Variants in XRCC4 observed in about 807,000 individuals in gnomAD.
XRCC4 encodes the protein DNA repair protein XRCC4.
A neutral mutation model predicts 39.1 loss-of-function variants in XRCC4; 28 were observed. That is an observed-to-expected ratio of 0.72 (90% CI 0.53 to 0.98). The LOEUF is 0.98. Among genes scored for constraint, XRCC4 ranks in the 50% least tolerant of loss-of-function variants. The probability of loss-of-function intolerance (pLI) is 0.00; values close to 1 mark genes in which losing one functional copy is unlikely to be tolerated. For synonymous variants in XRCC4, 123 were observed against 126.4 expected (o/e 0.97, Z 0.18); for missense variants, 350 against 376.4 (o/e 0.93, Z 0.58).
intron 7 of XRCC4, among the ~76,000 whole-genome samples, chr5:83,347,294 G>A (rs57430932): frequency 0.05 from 7,648 of 152,142 alleles, 261 homozygotes; most frequent in African/African-American, 0.099. Context: ...ATTTGTATTC[G>A]TCTTTTTTCA....
At chr5:83,186,798 A>C (rs778115324) in intron 3 of XRCC4, among the ~76,000 whole-genome samples, 11 of 152,200 alleles carry the variant, frequency 7.2e-5, no homozygotes, top group Non-Finnish European at 1.5e-4. Flanking sequence ...TCTGTGGCAT[A>C]AAAGTTCAAT....
chr5:83,288,157 A>G (rs1258423459), intron 7 of XRCC4, among the ~76,000 whole-genome samples: 1 of 151,748 alleles, frequency 6.6e-6, no homozygotes, highest in Non-Finnish European at 1.5e-5. Flanking sequence ...TCTATTCTTA[A>G]TTTGCTAAGG....
intron 4 of XRCC4, among the ~76,000 whole-genome samples, chr5:83,196,609 A>C (rs1339874155): frequency 6.6e-6 from 1 of 151,936 alleles, no homozygotes; most frequent in African/African-American, 2.4e-5. Flanking sequence ...TGAAGGAAAT[A>C]AAATGCATGT....
At chr5:83,184,001 G>A (rs1750322467) in intron 3 of XRCC4, among the ~76,000 whole-genome samples, 1 of 152,044 alleles carries the variant, frequency 6.6e-6, no homozygotes, top group South Asian at 2.1e-4. Flanking sequence ...TTTTTCAGGG[G>A]AATATTTTGA....
chr5:83,302,057 C>G (rs1272881511), intron 7 of XRCC4, among the ~76,000 whole-genome samples: 1 of 152,112 alleles, frequency 6.6e-6, no homozygotes, highest in Admixed American at 6.5e-5. Flanking sequence ...ATGCCCCTCC[C>G]CCTACTAAGC....
intron 7 of XRCC4, among the ~76,000 whole-genome samples, chr5:83,341,754 C>G (rs944182079): frequency 1.3e-5 from 2 of 152,170 alleles, no homozygotes; most frequent in Admixed American, 1.3e-4. Flanking sequence ...ACTGCCTGCT[C>G]ACCTATGCTT....
intron 7 of XRCC4, 43 bp downstream of exon 7, chr5:83,258,720 T>C (rs932002312): frequency 6.3e-7 from 1 of 1,588,510 alleles, no homozygotes; most frequent in Non-Finnish European, 8.5e-7. Context: ...ATGACATTTT[T>C]GAAAATCTAG....
chr5:83,364,739 T>A, the XRCC4 span, among the ~76,000 whole-genome samples: 1 of 152,214 alleles, frequency 6.6e-6, no homozygotes, highest in African/African-American at 2.4e-5. Context: ...TTACACTTAA[T>A]TAAAGAACAG....
rs17284358 is a variant in XRCC4 at position 83,203,894 on chromosome 5, G to T, written c.638+187G>T. Among the ~76,000 whole-genome samples, 5,183 of 152,138 alleles carry T rather than the reference G, an allele frequency of 0.034. 98 individuals are homozygous for T. Among genetic ancestry groups the T allele is most frequent in the Middle Eastern group, 0.061 (18 of 294 alleles). On this transcript the variant is annotated intron_variant, in intron 5 of 7. Transcript: ENST00000396027. ...AGAGTTCTCAGCATGGTCTCTCTAT[G>T]TCTGCTCAACTGTGTCACCTACACT...
intron 1 of XRCC4, among the ~76,000 whole-genome samples, chr5:83,089,142 A>G (rs1745308942): frequency 6.6e-6 from 1 of 152,238 alleles, no homozygotes; most frequent in South Asian, 2.1e-4. Flanking sequence ...AAATTGTGAT[A>G]CCTTGATAAC....
intron 7 of XRCC4, among the ~76,000 whole-genome samples, chr5:83,285,110 A>G (rs1241419698): frequency 6.6e-6 from 1 of 152,138 alleles, no homozygotes; most frequent in East Asian, 1.9e-4. Context: ...AACCTCTATA[A>G]ATGAAGACAT....
chr5:83,104,160 G>A (rs557617393), intron 1 of XRCC4, among the ~76,000 whole-genome samples: 12 of 152,268 alleles, frequency 7.9e-5, no homozygotes, highest in African/African-American at 2.9e-4. Flanking sequence ...AGTGGATAGG[G>A]TGTTTCAGTC....
chr5:83,312,588 T>G lies in XRCC4; in HGVS notation c.894-40543T>G, dbSNP rs539028517. 5.9e-5 allele frequency among the ~76,000 whole-genome samples: 9 copies of G among 152,244 alleles called. No individual in the cohort carries two copies. In the South Asian group the frequency reaches 1.7e-3, roughly 28 times the overall value. On this transcript the variant is annotated intron_variant, in intron 7 of 7. Transcript: ENST00000396027. ...TGCATAGGGTTAATACAAATTAAAT[T>G]ATGTTTAGGAATGCTCCGTGATAAA...
At chr5:83,225,248 GAGCCAGACTCTTAAGTTGT>G (rs1752243060) in intron 6 of XRCC4, among the ~76,000 whole-genome samples, 1 of 152,044 alleles carries the variant, frequency 6.6e-6, no homozygotes. Context: ...AATGTAATAG[GAGCCAGACTCTTAAGTTGT>G]AGCTGTTATG....
the XRCC4 span, among the ~76,000 whole-genome samples, chr5:83,364,522 G>A: frequency 6.6e-6 from 1 of 152,042 alleles, no homozygotes; most frequent in Non-Finnish European, 1.5e-5. Flanking sequence ...TCCTTATCAG[G>A]AGAGCACTTG....
intron 7 of XRCC4, among the ~76,000 whole-genome samples, chr5:83,296,765 T>G (rs940695043): frequency 2.0e-5 from 3 of 151,800 alleles, no homozygotes; most frequent in Non-Finnish European, 2.9e-5. Flanking sequence ...AAATTTGAAA[T>G]ATGGGAAAAG....
At chr5:83,237,147 T>C (rs1752721550) in intron 6 of XRCC4, among the ~76,000 whole-genome samples, 2 of 152,120 alleles carry the variant, frequency 1.3e-5, no homozygotes, top group South Asian at 4.2e-4. Context: ...GAGAGAACAA[T>C]ACAGATGTTC....
chr5:83,218,795 A>G (rs1751970797), intron 6 of XRCC4, among the ~76,000 whole-genome samples: 1 of 152,018 alleles, frequency 6.6e-6, no homozygotes, highest in Non-Finnish European at 1.5e-5. Flanking sequence ...TTGAGTTCTT[A>G]ACTTGTGGTT....
chr5:83,109,514 C>G (rs1746348295), intron 2 of XRCC4, among the ~76,000 whole-genome samples: 1 of 151,886 alleles, frequency 6.6e-6, no homozygotes, highest in Non-Finnish European at 1.5e-5. Flanking sequence ...TTTATCATTA[C>G]TGTGATAGCC....
Sources: allele counts gnomAD v4.1 joint callset (sites outside exome capture counted in the v4.1 genomes callset), GRCh38; gene constraint gnomAD v4.1.1; transcripts MANE v1.5; gene names NCBI Gene and HGNC (gene_info 2026-07-23, HGNC 2026-07-21).